Variants in GSE1 observed in about 807,000 individuals in gnomAD.
GSE1 encodes genetic suppressor element 1.
Under a neutral mutation model 112.6 loss-of-function variants are expected in GSE1, and 32 were observed. That is an observed-to-expected ratio of 0.28 (90% confidence interval 0.21 to 0.38). The LOEUF (loss-of-function observed/expected upper bound fraction) is 0.38, where lower values mean the gene tolerates loss of function less well. GSE1 is among the 10% of genes least tolerant of loss of function. The pLI, the probability that GSE1 is intolerant of heterozygous loss-of-function variation, is 1.00. For synonymous variants in GSE1, 1,115 were observed against 735.6 expected (o/e 1.52, Z -8.35); for missense variants, 2,348 against 1,699.2 (o/e 1.38, Z -6.71).
At chr16:85,171,127 C>T (rs1226636101) in exon 1 of GSE1, 8 of 985,550 alleles carry the variant, frequency 8.1e-6, no homozygotes, top group Non-Finnish European at 9.6e-6. Context: ...CCGCAGCTGC[C>T]CCAAGTGCTT....
At chr16:85,358,572 C>G (rs959506538) in intron 2 of GSE1, among the ~76,000 whole-genome samples, 1 of 151,996 alleles carries the variant, frequency 6.6e-6, no homozygotes, top group Non-Finnish European at 1.5e-5. Context: ...AGACAGGGGA[C>G]TGCTGGGGGC....
chr16:85,289,001 C>T (rs1033418940), intron 1 of GSE1, among the ~76,000 whole-genome samples: 3 of 152,190 alleles, frequency 2.0e-5, no homozygotes, highest in Admixed American at 2.0e-4. Flanking sequence ...TCTCCTGAGC[C>T]TCGGCCACCT....
chr16:85,543,510 A>G (rs2044595426), intron 2 of GSE1, among the ~76,000 whole-genome samples: 1 of 152,170 alleles, frequency 6.6e-6, no homozygotes. Context: ...TGTTTTTTGC[A>G]TGAGCCCTGC....
At chr16:85,542,811 A>T (rs575012325) in intron 2 of GSE1, among the ~76,000 whole-genome samples, 1 of 152,250 alleles carries the variant, frequency 6.6e-6, no homozygotes, top group Admixed American at 6.5e-5. Flanking sequence ...TCCCAAGTCC[A>T]GCACCAGGCT....
At chr16:85,563,603 C>T (rs1021093777) in intron 1 of GSE1, among the ~76,000 whole-genome samples, 2 of 152,218 alleles carry the variant, frequency 1.3e-5, no homozygotes, top group African/African-American at 4.8e-5. Context: ...TCAGCCCTGC[C>T]GGAAGCCCAG....
At chr16:85,451,868 C>G (rs557523546) in intron 2 of GSE1, among the ~76,000 whole-genome samples, 1 of 152,184 alleles carries the variant, frequency 6.6e-6, no homozygotes, top group Non-Finnish European at 1.5e-5. Flanking sequence ...ATGGTTTGCC[C>G]GGTGGAGACA....
At chr16:85,306,252 A>G (rs1198462643) in intron 1 of GSE1, 1 of 154,174 alleles carries the variant, frequency 6.5e-6, no homozygotes, top group Non-Finnish European at 1.5e-5. Flanking sequence ...AGCCAGCCTC[A>G]TTTCCTAATC....
chr16:85,431,504 G>A (rs972356070), intron 2 of GSE1, among the ~76,000 whole-genome samples: 4 of 152,348 alleles, frequency 2.6e-5, no homozygotes, highest in East Asian at 3.9e-4. Flanking sequence ...CTTGCAGAGC[G>A]CGTCTCTGAT....
intron 1 of GSE1, chr16:85,594,233 T>TGGGGGG (rs1193602830): frequency 1.2e-4 from 3 of 24,012 alleles, no homozygotes; most frequent in Non-Finnish European, 1.2e-4. Context: ...CCTGGGGGGT[T>TGGGGGG]GGGGGGGGGG....
chr16:85,646,896 G>T (rs556346480), intron 2 of GSE1, among the ~76,000 whole-genome samples: 52 of 152,104 alleles, frequency 3.4e-4, no homozygotes, highest in Non-Finnish European at 2.2e-4. Context: ...ACAACAAGGG[G>T]GGGGGTGGGG....
chr16:85,300,068 A>G (rs954435571), intron 1 of GSE1, among the ~76,000 whole-genome samples: 31 of 151,954 alleles, frequency 2.0e-4, no homozygotes, highest in Admixed American at 9.2e-4. Context: ...CTGGAGTGCA[A>G]TGGCACCATC....
intron 1 of GSE1, among the ~76,000 whole-genome samples, chr16:85,172,628 C>T (rs1402146923): frequency 1.3e-5 from 2 of 152,248 alleles, no homozygotes; most frequent in Admixed American, 1.3e-4. Context: ...GTGGCAGTCA[C>T]CAACCCGGCC....
At chr16:85,190,688 C>G (rs2074801842) in intron 1 of GSE1, among the ~76,000 whole-genome samples, 1 of 152,240 alleles carries the variant, frequency 6.6e-6, no homozygotes, top group African/African-American at 2.4e-5. Flanking sequence ...TGCCAGTGCC[C>G]TGGGAATTTC....
chr16:85,501,748 G>C (rs1320566479), intron 2 of GSE1, among the ~76,000 whole-genome samples: 2 of 152,198 alleles, frequency 1.3e-5, no homozygotes, highest in African/African-American at 4.8e-5. Context: ...ACCCCCTTTT[G>C]GGTGAGAACC....
At chr16:85,221,846 G>C (rs7191038) in intron 1 of GSE1, among the ~76,000 whole-genome samples, 1 of 152,034 alleles carries the variant, frequency 6.6e-6, no homozygotes, top group African/African-American at 2.4e-5. Context: ...CAGAGCCCAC[G>C]TCAGTCCCGC....
At chr16:85,214,830 G>T (rs1286736872) in intron 1 of GSE1, among the ~76,000 whole-genome samples, 1 of 152,118 alleles carries the variant, frequency 6.6e-6, no homozygotes, top group Admixed American at 6.5e-5. Context: ...GGGCCCTCGT[G>T]GATGGACAGG....
chr16:85,623,358 C>T (rs1273256553), intron 1 of GSE1, among the ~76,000 whole-genome samples: 2 of 152,068 alleles, frequency 1.3e-5, no homozygotes, highest in East Asian at 3.9e-4. Context: ...GGATTATAGG[C>T]GTGAGCCACT....
At chr16:85,179,529 G>A (rs769675004) in intron 1 of GSE1, among the ~76,000 whole-genome samples, 7 of 152,142 alleles carry the variant, frequency 4.6e-5, no homozygotes, top group Admixed American at 6.5e-5. Context: ...AGGTTGCTGC[G>A]TCCTAGGGTC....
intron 1 of GSE1, among the ~76,000 whole-genome samples, chr16:85,341,625 C>A (rs2046626226): frequency 6.6e-6 from 1 of 152,010 alleles, no homozygotes; most frequent in Non-Finnish European, 1.5e-5. Flanking sequence ...CCACTGCACT[C>A]CAGCCTGGGT....
Sources: gnomAD v4.1 joint callset for allele counts (sites outside exome capture counted in the v4.1 genomes callset) on GRCh38, gnomAD v4.1.1 for gene constraint, MANE v1.5 for transcripts, NCBI Gene and HGNC (gene_info 2026-07-23, HGNC 2026-07-21) for gene names.